Variants in GLCCI1 observed in about 807,000 individuals in gnomAD.
GLCCI1 encodes glucocorticoid induced 1.
GLCCI1 carries 24 observed loss-of-function variants against 52.2 expected under a neutral mutation model. The observed-to-expected ratio is 0.46, with a 90% CI of 0.33 to 0.65. The LOEUF is 0.65. Among genes scored for constraint, GLCCI1 ranks in the 30% least tolerant of loss-of-function variants. The pLI, the probability that GLCCI1 is intolerant of heterozygous loss-of-function variation, is 0.02. For missense variants in GLCCI1, 704 were observed against 701.5 expected (o/e 1.00, Z -0.04); for synonymous variants, 310 against 276.5 (o/e 1.12, Z -1.20).
intron 1 of GLCCI1, among the ~76,000 whole-genome samples, chr7:7,999,330 G>A (rs1562422165): frequency 1.3e-5 from 2 of 152,170 alleles, no homozygotes; most frequent in African/African-American, 2.4e-5. Flanking sequence ...AAAATGGGCT[G>A]AGTATTGTGA....
At position 8,077,096 on chromosome 7, in the gene GLCCI1, G is replaced by A. The variant is rs73053573; in HGVS notation, c.1177+5965G>A. On this transcript the variant is annotated intron_variant, in intron 6 of 7. Coordinates refer to ENST00000223145, the MANE Select transcript of GLCCI1 (RefSeq NM_138426.4). ...TGCTGTAGAAATAAGGGGAAAGGAA[G>A]TAACTGCTAAAACTGTCTCATCTTC... 9.3e-3 allele frequency among the ~76,000 whole-genome samples: 1,422 copies of A among 152,242 alleles called. 14 individuals carry two copies. The highest frequency in any genetic ancestry group is 0.037 in the South Asian group (178 of 4,828).
intron 1 of GLCCI1, among the ~76,000 whole-genome samples, chr7:8,002,453 A>G (rs1781068665): frequency 6.6e-6 from 1 of 152,210 alleles, no homozygotes; most frequent in South Asian, 2.1e-4. Context: ...GTATAATACA[A>G]TTAGAGCTAA....
chr7:8,059,390 T>G (rs1295071972), intron 4 of GLCCI1, among the ~76,000 whole-genome samples: 1 of 152,232 alleles, frequency 6.6e-6, no homozygotes, highest in African/African-American at 2.4e-5. Context: ...CAGTGTAAGA[T>G]AGAGGTCATT....
chr7:8,008,657 C>A (rs935286722), intron 2 of GLCCI1, among the ~76,000 whole-genome samples: 3 of 152,108 alleles, frequency 2.0e-5, no homozygotes, highest in African/African-American at 7.2e-5. Context: ...GGAACTTACC[C>A]AAGTGTACAC....
At chr7:8,020,923 G>A (rs886115766) in intron 2 of GLCCI1, among the ~76,000 whole-genome samples, 5 of 152,178 alleles carry the variant, frequency 3.3e-5, no homozygotes, top group Non-Finnish European at 5.9e-5. Flanking sequence ...TATCTAGGAC[G>A]GAACATAGGA....
intron 2 of GLCCI1, among the ~76,000 whole-genome samples, chr7:8,021,451 C>A (rs1344295738): frequency 6.6e-6 from 1 of 152,030 alleles, no homozygotes; most frequent in Admixed American, 6.6e-5. Flanking sequence ...TCACTCTCGT[C>A]GCCCAGGCTG....
intron 1 of GLCCI1, among the ~76,000 whole-genome samples, chr7:7,989,775 G>A (rs988314429): frequency 1.3e-5 from 2 of 152,022 alleles, no homozygotes; most frequent in African/African-American, 4.8e-5. Context: ...CATACCTCCT[G>A]GTAGATAAGT....
At position 8,021,974 on chromosome 7, in the gene GLCCI1, T is replaced by C. The variant is rs116488094; in HGVS notation, c.610-509T>C. 6.1e-3 allele frequency among the ~76,000 whole-genome samples: 930 copies of C among 152,320 alleles called. 7 individuals are homozygous for C. The highest frequency in any genetic ancestry group is 0.021 in the African/African-American group (879 of 41,578). ...TTATAATAACTTTATGTGTTTTATA[T>C]AAAGATGCCTGATATTTTTCAAAAA... On this transcript the variant is annotated intron_variant, in intron 2 of 7. Coordinates refer to ENST00000223145, the MANE Select transcript of GLCCI1 (RefSeq NM_138426.4).
At chr7:8,017,870 G>A (rs899275738) in intron 2 of GLCCI1, among the ~76,000 whole-genome samples, 2 of 152,056 alleles carry the variant, frequency 1.3e-5, no homozygotes, top group African/African-American at 4.8e-5. Flanking sequence ...ACAATCTTTT[G>A]TGCTGCTTTG....
intron 3 of GLCCI1, among the ~76,000 whole-genome samples, chr7:8,030,115 G>A (rs747562078): frequency 7.9e-5 from 12 of 152,084 alleles, no homozygotes; most frequent in Admixed American, 2.0e-4. Context: ...GAACAAAACC[G>A]GAGGAATGAC....
intron 1 of GLCCI1, among the ~76,000 whole-genome samples, chr7:8,001,471 A>T (rs1037977446): frequency 5.3e-5 from 8 of 152,312 alleles, no homozygotes; most frequent in Middle Eastern, 3.4e-3. Flanking sequence ...GCTGGAGAGG[A>T]TGTGGAGAAA....
At chr7:7,981,892 A>T in intron 1 of GLCCI1, 2 of 464,962 alleles carry the variant, frequency 4.3e-6, no homozygotes, top group South Asian at 3.1e-5. Flanking sequence ...AGTCACTCAC[A>T]CACAAGTAAA....
In GLCCI1 at chr7:8,060,135, A is replaced by G. The variant is rs1291797089; in HGVS notation, c.853A>G (p.Ile285Val). Residue 285 changes from isoleucine to valine, a missense_variant, in exon 5 of 8, where the codon ATA (isoleucine) becomes GTA (valine). Around this residue, in one of 3 missense-constraint regions of GLCCI1, gnomAD observed 547 missense variants for 524.8 expected, o/e 1.04. Coordinates refer to ENST00000223145, the MANE Select transcript of GLCCI1 (RefSeq NM_138426.4). Reference protein sequence around the residue: ...SRSVPMPLSNISVPKSSVSRV... With the variant: ...SRSVPMPLSNVSVPKSSVSRV... ...GTCAGTTCCTATGCCACTGTCAAATATATCAGTGCCAAAATCATCTGTTTC... is the reference window on the plus strand; with the variant it reads ...GTCAGTTCCTATGCCACTGTCAAATGTATCAGTGCCAAAATCATCTGTTTC... The G allele has an allele frequency of 1.2e-6, 2 of 1,613,740 alleles. No individual in the cohort carries two copies. The highest frequency in any genetic ancestry group is 1.7e-5 in the Admixed American group (1 of 60,010).
intron 1 of GLCCI1, chr7:7,981,154 A>G: frequency 2.2e-6 from 1 of 450,836 alleles, no homozygotes; most frequent in Non-Finnish European, 4.3e-6. Flanking sequence ...ACAGATGAGG[A>G]TCTGGATATA....
At chr7:8,042,836 G>GT (rs1349232969) in intron 3 of GLCCI1, among the ~76,000 whole-genome samples, 1 of 152,222 alleles carries the variant, frequency 6.6e-6, no homozygotes, top group Admixed American at 6.5e-5. Flanking sequence ...AGTTGATAAA[G>GT]AGTGGCAGGG....
intron 1 of GLCCI1, among the ~76,000 whole-genome samples, chr7:7,984,206 A>T (rs37985): frequency 6.6e-6 from 1 of 151,934 alleles, no homozygotes; most frequent in African/African-American, 2.4e-5. Flanking sequence ...GACCACAGGC[A>T]TGTGCCACCA....
intron 1 of GLCCI1, among the ~76,000 whole-genome samples, chr7:7,990,761 A>G (rs191657670): frequency 1.3e-5 from 2 of 152,230 alleles, no homozygotes; most frequent in African/African-American, 4.8e-5. Context: ...TTACAGCTAC[A>G]TATTTGATTC....
At position 7,969,940 on chromosome 7, in the gene GLCCI1, C is replaced by A; in HGVS notation, c.457+133C>A. ...TGTGAAAGTGGCTTTGGGAATCTCA[C>A]CCCCCTGCGGTCGCTGTGGGGCTTG... is the stretch of plus-strand genomic sequence containing the variant. On this transcript the variant is annotated intron_variant, in intron 1 of 7. Transcript: ENST00000223145. This position sits in a 1 kb window ranked among gnomAD's most constrained non-coding sequence, Gnocchi z 4.9. 1 of 1,102,326 alleles carries A rather than the reference C, an allele frequency of 9.1e-7. No individual in the cohort carries two copies. The highest frequency in any genetic ancestry group is 1.1e-6 in the Non-Finnish European group (1 of 894,900). 68.3% of individuals were successfully genotyped at this position (1,102,326 alleles called of 1,614,324 possible). A position where few individuals can be genotyped will look rare whatever the true frequency, so the allele number is the denominator to read the frequency against.
intron 6 of GLCCI1, among the ~76,000 whole-genome samples, chr7:8,082,796 G>C (rs1284581275): frequency 1.3e-5 from 2 of 152,168 alleles, no homozygotes; most frequent in African/African-American, 4.8e-5. Context: ...ATTGTTAACA[G>C]GAAGATAATC....
Sources: allele counts gnomAD v4.1 joint callset (sites outside exome capture counted in the v4.1 genomes callset), GRCh38; gene constraint gnomAD v4.1.1; regional missense constraint gnomAD v4.1.1; non-coding constraint Gnocchi (gnomAD v3.1); transcripts MANE v1.5; gene names NCBI Gene and HGNC (gene_info 2026-07-23, HGNC 2026-07-21).